Variants in SPSB1 observed in about 807,000 individuals in gnomAD.
SPSB1 encodes splA/ryanodine receptor domain and SOCS box containing 1.
In SPSB1, 8 loss-of-function variants were observed where a neutral mutation model predicts 21.2. That is an observed-to-expected ratio of 0.38 (90% CI 0.22 to 0.68). The LOEUF (loss-of-function observed/expected upper bound fraction) is 0.68. SPSB1 is among the 30% of genes least tolerant of loss of function. The probability of loss-of-function intolerance (pLI) is 0.53; values close to 1 mark genes in which losing one functional copy is unlikely to be tolerated. For synonymous variants in SPSB1, 169 were observed against 161.7 expected (o/e 1.05, Z -0.34); for missense variants, 242 against 377.8 (o/e 0.64, Z 2.98).
At chr1:9,353,688 G>A (rs1488841274) in intron 1 of SPSB1, among the ~76,000 whole-genome samples, 3 of 152,126 alleles carry the variant, frequency 2.0e-5, no homozygotes, top group Admixed American at 6.5e-5. Flanking sequence ...GCAGGCCGAG[G>A]TGGGTGAATC....
intron 1 of SPSB1, among the ~76,000 whole-genome samples, chr1:9,301,590 A>G (rs934679265): frequency 6.6e-6 from 1 of 152,198 alleles, no homozygotes; most frequent in Non-Finnish European, 1.5e-5. Context: ...CGCACAGGAC[A>G]TGAGGTATGT....
chr1:9,358,201 C>T (rs1480321673), intron 2 of SPSB1, among the ~76,000 whole-genome samples: 1 of 152,204 alleles, frequency 6.6e-6, no homozygotes, highest in Non-Finnish European at 1.5e-5. Context: ...CAAACGCTTA[C>T]ACATTTCTCT....
chr1:9,328,441 T>C (rs180885990), intron 1 of SPSB1, among the ~76,000 whole-genome samples: 282 of 152,342 alleles, frequency 1.9e-3, no homozygotes, highest in Middle Eastern at 6.8e-3. Flanking sequence ...GGAGGGGATA[T>C]GATGTTTCCT....
intron 1 of SPSB1, among the ~76,000 whole-genome samples, chr1:9,295,419 G>T (rs1472869809): frequency 1.3e-5 from 2 of 152,218 alleles, no homozygotes; most frequent in African/African-American, 4.8e-5. Flanking sequence ...GCTTAAGAGA[G>T]ACCTGGCCCT....
In SPSB1 at chr1:9,367,843, A is replaced by G. The variant is rs983795809; in HGVS notation, c.*268A>G. Reference sequence around the variant, plus strand: ...CCCCTCTTTGAAAAAAGACACAGAGAATAAACTCCTACGAAAGCCCTACAT... The same window carrying G: ...CCCCTCTTTGAAAAAAGACACAGAGGATAAACTCCTACGAAAGCCCTACAT... On this transcript the variant is annotated 3_prime_UTR_variant, in exon 3 of 3. Coordinates refer to ENST00000328089, the MANE Select transcript of SPSB1 (RefSeq NM_025106.4). The surrounding 1 kb of genome is among the most constrained non-coding windows in gnomAD (Gnocchi z 5.9). 2.8e-5 allele frequency: 14 copies of G among 502,952 alleles called. No individual in the cohort carries two copies. Among genetic ancestry groups the G allele is most frequent in the South Asian group, 9.9e-5 (4 of 40,532 alleles). 31.2% of individuals were successfully genotyped at this position (502,952 alleles called of 1,614,324 possible).
chr1:9,328,582 C>T lies in SPSB1; in HGVS notation c.-149-27161C>T, dbSNP rs939008390. On this transcript the variant is annotated intron_variant, in intron 1 of 2. Coordinates refer to ENST00000328089, the MANE Select transcript of SPSB1 (RefSeq NM_025106.4). ...GGCCCAGAGAGGTAAACATCTCGTT[C>T]GGGGTAACCCAGAGGCTGATGAGTG... is the stretch of plus-strand genomic sequence containing the variant. Among the ~76,000 whole-genome samples the T allele has an allele frequency of 5.3e-5, 8 of 152,340 alleles. 1 individual carries two copies. The highest frequency in any genetic ancestry group is 6.8e-3 in the Middle Eastern group (2 of 294).
chr1:9,340,541 G>A (rs974358186), intron 1 of SPSB1, among the ~76,000 whole-genome samples: 35 of 152,254 alleles, frequency 2.3e-4, no homozygotes, highest in African/African-American at 7.0e-4. Context: ...TAGAAATAGT[G>A]TGTTCGGCAG....
chr1:9,340,703 C>T (rs537048209), intron 1 of SPSB1, among the ~76,000 whole-genome samples: 1 of 152,334 alleles, frequency 6.6e-6, no homozygotes, highest in East Asian at 1.9e-4. Context: ...CACCGAGGGG[C>T]GTGGGATGCA....
chr1:9,311,438 C>T (rs1158816776), intron 1 of SPSB1, among the ~76,000 whole-genome samples: 1 of 152,074 alleles, frequency 6.6e-6, no homozygotes, highest in Non-Finnish European at 1.5e-5. Context: ...GACTGGTGTC[C>T]TGAACCCCAT....
At chr1:9,358,289 A>T (rs1173622520) in intron 2 of SPSB1, among the ~76,000 whole-genome samples, 2 of 152,152 alleles carry the variant, frequency 1.3e-5, no homozygotes, top group East Asian at 1.9e-4. Flanking sequence ...TGACAGCCAC[A>T]CACGATGTCT....
intron 1 of SPSB1, among the ~76,000 whole-genome samples, chr1:9,323,668 C>T (rs999115751): frequency 3.3e-4 from 51 of 152,300 alleles, no homozygotes; most frequent in African/African-American, 9.4e-4. Flanking sequence ...TGGCTGCCCG[C>T]GCGTCTCCAG....
intron 1 of SPSB1, among the ~76,000 whole-genome samples, chr1:9,326,188 G>T (rs968001420): frequency 6.6e-6 from 1 of 151,854 alleles, no homozygotes; most frequent in African/African-American, 2.4e-5. Context: ...TTGAGGTTTT[G>T]GTGCTCATGA....
At chr1:9,330,224 T>C (rs1424602826) in intron 1 of SPSB1, among the ~76,000 whole-genome samples, 1 of 152,126 alleles carries the variant, frequency 6.6e-6, no homozygotes, top group Non-Finnish European at 1.5e-5. Flanking sequence ...TCCCAGCACT[T>C]TGGGAGACTG....
intron 1 of SPSB1, among the ~76,000 whole-genome samples, chr1:9,333,606 C>T (rs1265219955): frequency 6.6e-6 from 1 of 152,208 alleles, no homozygotes; most frequent in Non-Finnish European, 1.5e-5. Context: ...GCTGGGATTA[C>T]AAGCGTGAGC....
At chr1:9,357,109 ATGAG>A (rs1279012801) in intron 2 of SPSB1, among the ~76,000 whole-genome samples, 1 of 91,090 alleles carries the variant, frequency 1.1e-5, no homozygotes, top group Non-Finnish European at 2.4e-5. Flanking sequence ...GGATGGATGG[ATGAG>A]TGGATGGATG....
intron 1 of SPSB1, among the ~76,000 whole-genome samples, chr1:9,336,769 G>A (rs920294953): frequency 6.6e-6 from 1 of 152,220 alleles, no homozygotes; most frequent in African/African-American, 2.4e-5. Context: ...GCCCTTTGCT[G>A]CCTTTTCATT....
At chr1:9,316,952 C>T (rs969171518) in intron 1 of SPSB1, among the ~76,000 whole-genome samples, 16 of 152,110 alleles carry the variant, frequency 1.1e-4, no homozygotes, top group African/African-American at 3.6e-4. Flanking sequence ...TCCTTCTGAT[C>T]GCAGAGATCC....
In SPSB1 at chr1:9,293,385, C is replaced by G. The variant is rs1040979230; in HGVS notation, c.-150+314C>G. Among the ~76,000 whole-genome samples, 4 of 151,282 alleles carry G rather than the reference C, an allele frequency of 2.6e-5. No homozygotes were observed. The highest frequency in any genetic ancestry group is 9.7e-5 in the African/African-American group (4 of 41,312). ...CGGCGGGGGTCTCGGGGCGCGGGGA[C>G]CGTCGCAACGAGTTGCGGTCCCGAG... On this transcript the variant is annotated intron_variant, in intron 1 of 2. Coordinates refer to ENST00000328089, the MANE Select transcript of SPSB1 (RefSeq NM_025106.4). The surrounding 1 kb of genome is among the most constrained non-coding windows in gnomAD (Gnocchi z 5.1).
At chr1:9,311,624 T>TA (rs372291258) in intron 1 of SPSB1, among the ~76,000 whole-genome samples, 212 of 152,240 alleles carry the variant, frequency 1.4e-3, no homozygotes, top group African/African-American at 4.6e-3. Context: ...GGCTTTTTTT[T>TA]ATGGGGCAGG....
Sources: allele counts gnomAD v4.1 joint callset (sites outside exome capture counted in the v4.1 genomes callset), GRCh38; gene constraint gnomAD v4.1.1; non-coding constraint Gnocchi (gnomAD v3.1); transcripts MANE v1.5; gene names NCBI Gene and HGNC (gene_info 2026-07-23, HGNC 2026-07-21).